The following MCF2L2 variants were observed in gnomAD, a reference collection of about 807,000 sequenced individuals.
MCF2L2 encodes the protein probable guanine nucleotide exchange factor MCF2L2.
MCF2L2 carries 102 observed loss-of-function variants against 150.2 expected under a neutral mutation model. That is an observed-to-expected ratio of 0.68 (90% confidence interval 0.58 to 0.80). The LOEUF is 0.80. Among genes scored for constraint, MCF2L2 ranks in the 30% least tolerant of loss-of-function variants. The pLI is 0.00. For missense variants in MCF2L2, 1,256 were observed against 1,372.8 expected (o/e 0.91, Z 1.34); for synonymous variants, 465 against 491.3 (o/e 0.95, Z 0.71).
chr3:183,393,978 C>T (rs115745145), intron 1 of MCF2L2, among the ~76,000 whole-genome samples: 2,267 of 152,142 alleles, frequency 0.015, 51 homozygotes, highest in African/African-American at 0.052. Flanking sequence ...TTCTGTCACA[C>T]TATGATTTAA....
rs551631842 is a variant in MCF2L2, at chr3:183,332,958, A to T, written c.486+5842T>A. ...GAACCAAAACAAGGAAAATAAGAGT[A>T]GGAAAGGAGAGAGAAAAATGAGAAA... On this transcript the variant is annotated intron_variant, in intron 5 of 29. Transcript: ENST00000328913. Among the ~76,000 whole-genome samples, 3 of 152,330 alleles carry T rather than the reference A, an allele frequency of 2.0e-5. No individual in the cohort carries two copies. In the East Asian group the frequency reaches 5.8e-4, roughly 29 times the overall value.
chr3:183,206,762 C>T (rs1165895981), intron 23 of MCF2L2, among the ~76,000 whole-genome samples: 1 of 152,006 alleles, frequency 6.6e-6, no homozygotes, highest in African/African-American at 2.4e-5. Flanking sequence ...TCCCAGCTAC[C>T]TGGGAGGCTG....
intron 14 of MCF2L2, among the ~76,000 whole-genome samples, chr3:183,285,978 T>G (rs1409890456): frequency 1.3e-5 from 2 of 152,168 alleles, no homozygotes; most frequent in African/African-American, 4.8e-5. Flanking sequence ...ACATCACTAT[T>G]GCCAACAAGC....
At chr3:183,192,311 G>A (rs1286909518) in intron 27 of MCF2L2, among the ~76,000 whole-genome samples, 1 of 152,020 alleles carries the variant, frequency 6.6e-6, no homozygotes, top group Non-Finnish European at 1.5e-5. Context: ...GCTGATTTTT[G>A]TATTTTTAGT....
Position 183,427,941 on chromosome 3 carries a change from C to G in MCF2L2, c.37G>C (p.Glu13Gln). 1 of 1,614,098 alleles carries G rather than the reference C, an allele frequency of 6.2e-7. No homozygotes were observed. The highest frequency in any genetic ancestry group is 1.1e-5 in the South Asian group (1 of 91,070). ...ACTGTGGCCAGTCGCCGGGTGAGCT[C>G]CTGGGGAGGCATCTCTTCTTTTAAG... Reference protein sequence around the residue: ...SCLKEEMPPQELTRRLATVIT... With the variant: ...SCLKEEMPPQQLTRRLATVIT... Residue 13 changes from glutamate (E) to glutamine (Q), a missense_variant, in exon 1 of 30, where the codon GAG becomes CAG. Coordinates refer to ENST00000328913, the MANE Select transcript of MCF2L2 (RefSeq NM_015078.4).
intron 3 of MCF2L2, among the ~76,000 whole-genome samples, chr3:183,349,192 G>A (rs2108550342): frequency 6.6e-6 from 1 of 152,070 alleles, no homozygotes; most frequent in Admixed American, 6.5e-5. Context: ...ATTTATCTTT[G>A]GTTCTTTTTA....
At chr3:183,233,301 G>A (rs987881535) in intron 15 of MCF2L2, among the ~76,000 whole-genome samples, 8 of 150,798 alleles carry the variant, frequency 5.3e-5, no homozygotes, top group Non-Finnish European at 1.0e-4. Context: ...GCAGTGAGCC[G>A]AGATCACACC....
At chr3:183,319,991 T>C (rs1729744270) in intron 6 of MCF2L2, among the ~76,000 whole-genome samples, 1 of 152,208 alleles carries the variant, frequency 6.6e-6, no homozygotes, top group Non-Finnish European at 1.5e-5. Context: ...AGCCAGGCAT[T>C]CACTTCTCTA....
In MCF2L2 at chr3:183,179,373, A is replaced by G. The variant is rs778723482; in HGVS notation, c.*7T>C. On this transcript the variant is annotated 3_prime_UTR_variant, in exon 30 of 30. Transcript: ENST00000328913. The surrounding 1 kb of genome is among the most constrained non-coding windows in gnomAD (Gnocchi z 4.2). ...GGAGCCGAGGAGCGGGGGCGTCCGC[A>G]GGGAGGTCAGCTCTCCTGGGCGGAG... 3 of 1,462,682 alleles carry G rather than the reference A, an allele frequency of 2.1e-6. No homozygotes were observed. The highest frequency in any genetic ancestry group is 1.5e-5 in the African/African-American group (1 of 68,282). 90.6% of individuals were successfully genotyped at this position (1,462,682 alleles called of 1,614,324 possible).
chr3:183,388,777 A>G (rs1382578007), intron 2 of MCF2L2, among the ~76,000 whole-genome samples: 1 of 152,182 alleles, frequency 6.6e-6, no homozygotes. Flanking sequence ...TATCCCAATA[A>G]TAACTGAGTT....
intron 15 of MCF2L2, chr3:183,272,913 C>A: frequency 7.4e-7 from 1 of 1,345,392 alleles, no homozygotes; most frequent in Non-Finnish European, 9.6e-7. Context: ...GCTGAAAGAG[C>A]TCTTCTGAAC....
intron 27 of MCF2L2, among the ~76,000 whole-genome samples, chr3:183,190,672 A>G (rs1484582836): frequency 6.6e-6 from 1 of 152,184 alleles, no homozygotes; most frequent in Non-Finnish European, 1.5e-5. Context: ...CCCTTAGGGG[A>G]GGACATAACC....
At chr3:183,323,451 A>T in intron 5 of MCF2L2, 100 bp from the exon 6 acceptor site, 1 of 453,448 alleles carries the variant, frequency 2.2e-6, no homozygotes. Context: ...ATATTCTATT[A>T]TTATTTAAAT....
At chr3:183,334,285 CT>C (rs1490151480) in intron 5 of MCF2L2, among the ~76,000 whole-genome samples, 7 of 152,042 alleles carry the variant, frequency 4.6e-5, no homozygotes, top group Non-Finnish European at 8.8e-5. Flanking sequence ...AGAGATTGGA[CT>C]TTTTTGAGGA....
At position 183,391,260 on chromosome 3, in the gene MCF2L2, C is replaced by G. The variant is rs536141393; in HGVS notation, c.77-1481G>C. On this transcript the variant is annotated intron_variant, in intron 1 of 29. Coordinates refer to ENST00000328913, the MANE Select transcript of MCF2L2 (RefSeq NM_015078.4). ...CTTTCCCAAATTTGCTTTCTAAAAG[C>G]CTTTTTTTGTTTTTTTCTGAAAGTC... is the stretch of plus-strand genomic sequence containing the variant. 1.8e-4 allele frequency among the ~76,000 whole-genome samples: 25 copies of G among 141,962 alleles called. 1 individual carries two copies. The highest frequency in any genetic ancestry group is 8.9e-4 in the Admixed American group (13 of 14,618). The allele number at this position is 141,962 out of a possible 152,430, so 93.1% of individuals were successfully genotyped here. A position where few individuals can be genotyped will look rare whatever the true frequency, so the allele number is the denominator to read the frequency against.
At chr3:183,278,740 G>C (rs1290984030) in intron 14 of MCF2L2, among the ~76,000 whole-genome samples, 1 of 152,188 alleles carries the variant, frequency 6.6e-6, no homozygotes, top group South Asian at 2.1e-4. Context: ...ATTGTATGCA[G>C]GGTGGATCAT....
chr3:183,404,276 AC>A (rs1275407903), intron 1 of MCF2L2, among the ~76,000 whole-genome samples: 1 of 152,178 alleles, frequency 6.6e-6, no homozygotes, highest in Non-Finnish European at 1.5e-5. Flanking sequence ...TATCTATCAA[AC>A]AAGCAAAAAT....
At position 183,179,876 on chromosome 3, in the gene MCF2L2, G is replaced by A. The variant is rs1310743353; in HGVS notation, c.3106-184C>T. On this transcript the variant is annotated intron_variant, in intron 28 of 29. Coordinates refer to ENST00000328913, the MANE Select transcript of MCF2L2 (RefSeq NM_015078.4). This position sits in a 1 kb window ranked among gnomAD's most constrained non-coding sequence, Gnocchi z 4.2. ...AGCGCACCGCCAAGGAGACAGCCACGTGGGGACATGCTGGACTAGGAGGGT... is the reference window on the plus strand; with the variant it reads ...AGCGCACCGCCAAGGAGACAGCCACATGGGGACATGCTGGACTAGGAGGGT... 6.6e-6 allele frequency among the ~76,000 whole-genome samples: 1 copy of A among 152,148 alleles called. No homozygotes were observed. The highest frequency in any genetic ancestry group is 2.4e-5 in the African/African-American group (1 of 41,434).
intron 18 of MCF2L2, chr3:183,225,706 C>T (rs545251923): frequency 5.9e-5 from 9 of 152,326 alleles, no homozygotes; most frequent in African/African-American, 2.2e-4. Flanking sequence ...GTAGTCAACT[C>T]CTGTGACTGT....
Sources: gnomAD v4.1 joint callset for allele counts (sites outside exome capture counted in the v4.1 genomes callset) on GRCh38, gnomAD v4.1.1 for gene constraint, Gnocchi (gnomAD v3.1) non-coding constraint, MANE v1.5 for transcripts, NCBI Gene and HGNC (gene_info 2026-07-23, HGNC 2026-07-21) for gene names.